The following GRM6 variants were observed in gnomAD, a reference collection of about 807,000 sequenced individuals.
GRM6 encodes metabotropic glutamate receptor 6.
In GRM6, 73 loss-of-function variants were observed where a neutral mutation model predicts 78.4. That is an observed-to-expected ratio of 0.93 (90% CI 0.77 to 1.13). The LOEUF (loss-of-function observed/expected upper bound fraction) is 1.13. Ranked by LOEUF, GRM6 falls within the 50% of genes most tolerant of loss-of-function variation. The pLI is 0.00. For missense variants in GRM6, 1,251 were observed against 1,256.4 expected (o/e 1.00, Z 0.07); for synonymous variants, 580 against 555.0 (o/e 1.05, Z -0.63).
intron 9 of GRM6, among the ~76,000 whole-genome samples, chr5:178,983,887 C>T (rs578140171): frequency 9.8e-5 from 15 of 152,320 alleles, no homozygotes; most frequent in African/African-American, 2.9e-4. Context: ...CCCACACGTT[C>T]GTGCTGGTTG....
chr5:178,991,678 G>A lies in GRM6; in HGVS notation c.722-119C>T. The A allele has an allele frequency of 7.7e-7, 1 of 1,291,938 alleles. No individual in the cohort carries two copies. The highest frequency in any genetic ancestry group is 1.1e-6 in the Non-Finnish European group (1 of 893,202). The allele number at this position is 1,291,938 out of a possible 1,614,324, so 80.0% of individuals were successfully genotyped here. On this transcript the variant is annotated intron_variant, in intron 3 of 10. Transcript: ENST00000517717. This position sits in a 1 kb window ranked among gnomAD's most constrained non-coding sequence, Gnocchi z 5.0. ...GGTCTGCAGGGGTGAAGTCTGGCCT[G>A]CACCCTCCGCCAAGCCTGAGGCAGG...
At chr5:178,983,589 G>A (rs148573254) in intron 9 of GRM6, 5 of 415,378 alleles carry the variant, frequency 1.2e-5, no homozygotes, top group African/African-American at 6.0e-5. Flanking sequence ...GGATGTGGCC[G>A]GAAGCTCTGG....
rs2856353 is a variant in GRM6, at chr5:178,978,940, T to C, written c.*2717A>G. The C allele has an allele frequency of 0.42, 63,186 of 151,974 alleles. 13,702 individuals carry two copies. Among genetic ancestry groups the C allele is most frequent in the East Asian group, 0.59 (3,070 of 5,160 alleles). 9.4% of individuals were successfully genotyped at this position (151,974 alleles called of 1,614,324 possible). A position where few individuals can be genotyped will look rare whatever the true frequency, so the allele number is the denominator to read the frequency against. On this transcript the variant is annotated 3_prime_UTR_variant, in exon 11 of 11. Coordinates refer to ENST00000517717, the MANE Select transcript of GRM6 (RefSeq NM_000843.4). ...GAAAATCTTTAGGGAGCTGTCAACC[T>C]CCACTGAACACCACAGAAATGATCA... is the stretch of plus-strand genomic sequence containing the variant.
rs369887161 is a variant in GRM6, at chr5:178,986,521, C to A, written c.1733G>T (p.Arg578Leu). The change falls in exon 9 of 11, where the codon CGC (arginine) becomes CTC (leucine). Residue 578 changes from arginine to leucine, a missense_variant. Transcript: ENST00000517717. ...HTGCRPTPVV[R>L]LSWSSPWAAP... is the part of the protein sequence containing the mutation. ...TGCCCAGGGGGAGGACCAGCTCAGG[C>A]GCACCACAGGTGTGGGGCGGCAGCC... The A allele has an allele frequency of 3.1e-6, 5 of 1,608,550 alleles. No individual in the cohort carries two copies. The Admixed American group carries it at 5.0e-5, about 16-fold the overall frequency.
rs746286438 is a variant in GRM6, at chr5:178,992,016, GAGA to G, written c.569_571del (p.Phe190del). 1.7e-5 allele frequency: 28 copies of G among 1,614,122 alleles called. No individual in the cohort carries two copies. Among genetic ancestry groups the G allele is most frequent in the Non-Finnish European group, 2.0e-5 (24 of 1,179,984 alleles). Reference sequence around the variant, plus strand: ...GTAGGAGTCGGGTGGCACCACCCGGGAGAAGAAGTCATAGCGTGTGGAGTCGCT... The same window carrying G: ...GTAGGAGTCGGGTGGCACCACCCGGGAGAAGTCATAGCGTGTGGAGTCGCT... On this transcript the variant is annotated inframe_deletion, in exon 3 of 11. Coordinates refer to ENST00000517717, the MANE Select transcript of GRM6 (RefSeq NM_000843.4). This position sits in a 1 kb window ranked among gnomAD's most constrained non-coding sequence, Gnocchi z 4.9.
At chr5:178,982,343 C>T (rs745796288) in intron 10 of GRM6, among the ~76,000 whole-genome samples, 5 of 151,984 alleles carry the variant, frequency 3.3e-5, no homozygotes, top group African/African-American at 9.7e-5. Context: ...TTTGGGAGGC[C>T]GAGGCAGATG....
intron 2 of GRM6, 65 bp downstream of exon 2, chr5:178,994,376 G>T: frequency 1.5e-6 from 2 of 1,369,482 alleles, no homozygotes; most frequent in African/African-American, 1.5e-5. Context: ...AAGGAGACTT[G>T]GGCCACCCCA....
At chr5:178,994,998 C>A in intron 1 of GRM6, 38 bp from the exon 2 acceptor site, 2 of 999,384 alleles carry the variant, frequency 2.0e-6, no homozygotes, top group African/African-American at 1.7e-5. Flanking sequence ...GCTCTGAGGG[C>A]GGGGGAAGGA....
chr5:178,985,515 A>G (rs557470463), intron 9 of GRM6: 80 of 339,976 alleles, frequency 2.4e-4, no homozygotes, highest in Admixed American at 4.0e-4. Flanking sequence ...CATCCTGGCT[A>G]ACACGGTGAA....
chr5:178,981,839 T>A lies in GRM6; in HGVS notation c.2452A>T (p.Thr818Ser), dbSNP rs1180578974. Reference protein sequence around the residue: ...QSAEKIYIQTTTLTVSLSLSA... With the variant: ...QSAEKIYIQTSTLTVSLSLSA... The stretch of plus-strand genomic sequence containing the variant: ...AGGCTCAAGGACACGGTTAGCGTGG[T>A]TGTCTGGATGTAGATCTAGGCCATG... The change falls in exon 11 of 11, where the codon ACC becomes TCC. Residue 818 changes from threonine to serine, a missense_variant. Coordinates refer to ENST00000517717, the MANE Select transcript of GRM6 (RefSeq NM_000843.4). This position sits in a 1 kb window ranked among gnomAD's most constrained non-coding sequence, Gnocchi z 5.1. 3.2e-5 allele frequency: 51 copies of A among 1,611,118 alleles called. No individual in the cohort carries two copies. Among genetic ancestry groups the A allele is most frequent in the Non-Finnish European group, 4.3e-5 (51 of 1,177,556 alleles).
At position 178,981,871 on chromosome 5, in the gene GRM6, G is replaced by C; in HGVS notation, c.2437-17C>G. ...GATGTAGATCTAGGCCATGGAAGAG[G>C]GGACCAGATGGGACTCAGCCCTGCT... is the stretch of plus-strand genomic sequence containing the variant. On this transcript the variant is annotated splice_polypyrimidine_tract_variant and intron_variant, in intron 10 of 10. Transcript: ENST00000517717. This position sits in a 1 kb window ranked among gnomAD's most constrained non-coding sequence, Gnocchi z 5.1. The C allele has an allele frequency of 6.8e-7, 1 of 1,467,744 alleles. No homozygotes were observed. The allele number at this position is 1,467,744 out of a possible 1,614,324, so 90.9% of individuals were successfully genotyped here.
intron 5 of GRM6, among the ~76,000 whole-genome samples, 188 bp from the exon 6 acceptor site, chr5:178,989,593 AGTGGCCAGGTGAGCTAGGC>A (rs1240757535): frequency 6.6e-6 from 1 of 151,378 alleles, no homozygotes. Context: ...GTGAGCTAGG[AGTGGCCAGGTGAGCTAGGC>A]GTGGCCAGGT....
intron 9 of GRM6, 46 bp downstream of exon 9, chr5:178,986,084 G>A: frequency 2.5e-6 from 4 of 1,574,340 alleles, no homozygotes; most frequent in Non-Finnish European, 3.5e-6. Context: ...TAACGTTGCG[G>A]ACAGTCCCCC....
chr5:178,989,382 G>A lies in GRM6; in HGVS notation c.1036C>T (p.Arg346Ter), dbSNP rs1760632389. Residue 346 changes from arginine (R) to a stop codon, truncating the protein, a stop_gained, in exon 6 of 11, where the codon CGA (arginine) becomes TGA (stop). Transcript: ENST00000517717. LOFTEE classifies it high-confidence loss of function. The part of the protein sequence containing the change: ...IDGFDQYFMT[R>*]SLENNRRNIW... Reference sequence around the variant, plus strand: ...TTCCTGCGGTTGTTCTCCAGGGATCGAGTCATGAAGTACTGGTCAAATCCT... The same window carrying A: ...TTCCTGCGGTTGTTCTCCAGGGATCAAGTCATGAAGTACTGGTCAAATCCT... 3.7e-6 allele frequency: 6 copies of A among 1,613,984 alleles called. No individual in the cohort carries two copies. The highest frequency in any genetic ancestry group is 4.2e-6 in the Non-Finnish European group (5 of 1,179,864).
chr5:178,994,656 C>A lies in GRM6; in HGVS notation c.289G>T (p.Asp97Tyr). The A allele has an allele frequency of 6.8e-7, 1 of 1,466,732 alleles. No individual in the cohort carries two copies. Among genetic ancestry groups the A allele is most frequent in the Non-Finnish European group, 9.0e-7 (1 of 1,112,184 alleles). The allele number at this position is 1,466,732 out of a possible 1,614,324, so 90.9% of individuals were successfully genotyped here. Residue 97 changes from aspartate to tyrosine, a missense_variant, in exon 2 of 11, where the codon GAC (aspartate) becomes TAC (tyrosine). Physicochemically the swap from Asp to Tyr is radical, Grantham distance 160. Coordinates refer to ENST00000517717, the MANE Select transcript of GRM6 (RefSeq NM_000843.4). ...GCGTAGGTGTCCCGCGAGCAGGTGTCCAGCAGCCGCGCGCCCAGGCGCACG... is the reference window on the plus strand; with the variant it reads ...GCGTAGGTGTCCCGCGAGCAGGTGTACAGCAGCCGCGCGCCCAGGCGCACG... Reference protein sequence around the residue: ...PGVRLGARLLDTCSRDTYALE... With the variant: ...PGVRLGARLLYTCSRDTYALE...
chr5:178,991,317 C>T lies in GRM6; in HGVS notation c.857+107G>A. 9.0e-7 allele frequency: 1 copy of T among 1,111,422 alleles called. No individual in the cohort carries two copies. Among genetic ancestry groups the T allele is most frequent in the Non-Finnish European group, 1.4e-6 (1 of 732,358 alleles). The allele number at this position is 1,111,422 out of a possible 1,614,324, so 68.8% of individuals were successfully genotyped here. On this transcript the variant is annotated intron_variant, in intron 4 of 10. Transcript: ENST00000517717. This position sits in a 1 kb window ranked among gnomAD's most constrained non-coding sequence, Gnocchi z 5.0. Reference sequence around the variant, plus strand: ...CAGGGAAGGTGGGGGGTGCGGGGAGCAGGGGAAAGGGAGGCAGGGAGAGTG... The same window carrying T: ...CAGGGAAGGTGGGGGGTGCGGGGAGTAGGGGAAAGGGAGGCAGGGAGAGTG...
rs754267755 is a variant in GRM6, at chr5:178,986,487, C to T, written c.1767G>A (p.Pro589=). 29 of 1,610,320 alleles carry T rather than the reference C, an allele frequency of 1.8e-5. No individual in the cohort carries two copies. The highest frequency in any genetic ancestry group is 3.3e-5 in the Admixed American group (2 of 59,864). ...LSWSSPWAAP[P]LLLAVLGIVA... is the part of the protein sequence containing the mutation. ...CGATGCCCAGCACGGCCAGGAGGAGCGGCGGGGCTGCCCAGGGGGAGGACC... is the reference window on the plus strand; with the variant it reads ...CGATGCCCAGCACGGCCAGGAGGAGTGGCGGGGCTGCCCAGGGGGAGGACC... Residue 589 remains proline (P), a synonymous_variant, in exon 9 of 11, where the codon CCG becomes CCA. Coordinates refer to ENST00000517717, the MANE Select transcript of GRM6 (RefSeq NM_000843.4).
In GRM6 at chr5:178,986,167, G is replaced by A; in HGVS notation, c.2087C>T (p.Ser696Leu). The change falls in exon 9 of 11, where the codon TCA becomes TTA. Residue 696 changes from serine (S) to leucine (L), a missense_variant. By Grantham distance (145) the Ser-to-Leu change is moderately radical. Coordinates refer to ENST00000517717, the MANE Select transcript of GRM6 (RefSeq NM_000843.4). ...GAGGCTGAAGGTGATGACCAGCTGT[G>A]AGGTGGGGCTGATGAAGGGAGGGGG... The part of the protein sequence containing the change: ...VTPPPFISPT[S>L]QLVITFSLTS... 2 of 1,613,952 alleles carry A rather than the reference G, an allele frequency of 1.2e-6. No homozygotes were observed. The highest frequency in any genetic ancestry group is 1.7e-6 in the Non-Finnish European group (2 of 1,179,858).
chr5:178,985,573 G>T (rs555015227), intron 9 of GRM6: 27 of 338,774 alleles, frequency 8.0e-5, no homozygotes, highest in Non-Finnish European at 1.4e-4. Flanking sequence ...CGTGGTGGCG[G>T]GCGCCTGTAG....
Sources: allele counts gnomAD v4.1 joint callset (sites outside exome capture counted in the v4.1 genomes callset), GRCh38; gene constraint gnomAD v4.1.1; non-coding constraint Gnocchi (gnomAD v3.1); transcripts MANE v1.5; gene names NCBI Gene and HGNC (gene_info 2026-07-23, HGNC 2026-07-21).